Variants in RBM39 observed in about 807,000 individuals in gnomAD.
RBM39 encodes the protein RNA-binding protein 39.
RBM39 carries 12 observed loss-of-function variants against 79.6 expected under a neutral mutation model. The ratio of observed to expected loss-of-function variants is 0.15; its 90% confidence interval spans 0.10 to 0.24. The LOEUF (loss-of-function observed/expected upper bound fraction) is 0.24, where lower values mean the gene tolerates loss of function less well. Ranked by LOEUF, RBM39 falls within the 10% of genes least tolerant of loss-of-function variation. The pLI, the probability that RBM39 is intolerant of heterozygous loss-of-function variation, is 1.00. For synonymous variants in RBM39, 185 were observed against 208.4 expected (o/e 0.89, Z 0.97); for missense variants, 243 against 653.4 (o/e 0.37, Z 6.85).
chr20:35,740,921 CATTTCTCTTACA>C (rs1569088377), intron 1 of RBM39, 34 bp from the exon 2 acceptor site: 3 of 1,473,462 alleles, frequency 2.0e-6, no homozygotes, highest in Non-Finnish European at 2.8e-6. Context: ...CTTGAGTAAA[CATTTCTCTTACA>C]ATGTGAAACA....
intron 4 of RBM39, 154 bp downstream of exon 4, chr20:35,731,787 T>C: frequency 1.3e-6 from 1 of 778,716 alleles, no homozygotes; most frequent in South Asian, 1.7e-5. Context: ...GTATTTTCAC[T>C]TTACTAGTAT....
At chr20:35,707,778 C>A in intron 13 of RBM39, 1 of 273,796 alleles carries the variant, frequency 3.7e-6, no homozygotes, top group Non-Finnish European at 7.7e-6. Context: ...AAAATGTTTT[C>A]GCACAATAAA....
chr20:35,739,158 T>A, intron 2 of RBM39, 141 bp from the exon 3 acceptor site: 1 of 759,858 alleles, frequency 1.3e-6, no homozygotes. Context: ...TGGAAGGCTA[T>A]AAAAAAATTT....
intron 8 of RBM39, among the ~76,000 whole-genome samples, chr20:35,722,863 G>T (rs561598413): frequency 6.6e-6 from 1 of 151,466 alleles, no homozygotes; most frequent in South Asian, 2.1e-4. Context: ...GAACCCAGGA[G>T]ACGGAGCTTG....
At chr20:35,718,984 A>G (rs1252508657) in intron 9 of RBM39, among the ~76,000 whole-genome samples, 1 of 151,992 alleles carries the variant, frequency 6.6e-6, no homozygotes, top group East Asian at 1.9e-4. Flanking sequence ...AAAATAATAA[A>G]ATAAACCTTT....
At chr20:35,731,231 A>T (rs1436974099) in intron 4 of RBM39, 1 of 152,240 alleles carries the variant, frequency 6.6e-6, no homozygotes, top group Non-Finnish European at 1.5e-5. Context: ...CTCATAAAGC[A>T]TTAAAGATTG....
intron 3 of RBM39, among the ~76,000 whole-genome samples, chr20:35,736,326 G>A (rs1231117807): frequency 6.6e-6 from 1 of 151,880 alleles, no homozygotes; most frequent in East Asian, 1.9e-4. Flanking sequence ...GATTGGTGAG[G>A]AACTATAAAT....
intron 10 of RBM39, 46 bp downstream of exon 10, chr20:35,716,694 T>TAA (rs79003465): frequency 1.1e-3 from 1,104 of 971,074 alleles, no homozygotes; most frequent in Non-Finnish European, 1.4e-3. Flanking sequence ...AAATGTAGTT[T>TAA]AAAAAAAAAA....
In RBM39 at chr20:35,731,232, T is replaced by C. The variant is rs1430871189; in HGVS notation, c.296+709A>G. On this transcript the variant is annotated intron_variant, in intron 4 of 16. Transcript: ENST00000253363. ...TAAGAGGAATTAACCTCATAAAGCA[T>C]TAAAGATTGCTAGATGCAATCCTTA... The C allele has an allele frequency of 2.0e-5, 3 of 152,198 alleles. No homozygotes were observed. The East Asian group carries it at 5.8e-4, about 29-fold the overall frequency. The allele number at this position is 152,198 out of a possible 1,614,324, so 9.4% of individuals were successfully genotyped here.
At chr20:35,723,247 A>T (rs897974284) in intron 8 of RBM39, among the ~76,000 whole-genome samples, 17 of 150,972 alleles carry the variant, frequency 1.1e-4, no homozygotes, top group Non-Finnish European at 2.4e-4. Flanking sequence ...AAAAAAAAAG[A>T]AAAGTTGTCC....
intron 3 of RBM39, among the ~76,000 whole-genome samples, chr20:35,737,720 GCGC>G (rs1287308002): frequency 6.6e-6 from 1 of 151,204 alleles, no homozygotes; most frequent in African/African-American, 2.4e-5. Context: ...ATGGTGGCAG[GCGC>G]CTGTAGTCCC....
intron 9 of RBM39, among the ~76,000 whole-genome samples, chr20:35,720,267 A>G (rs1461509057): frequency 6.6e-6 from 1 of 152,196 alleles, no homozygotes; most frequent in East Asian, 1.9e-4. Flanking sequence ...TAGATAGCAC[A>G]AAGTCCTCTA....
At chr20:35,728,763 C>A (rs1363585127) in intron 6 of RBM39, among the ~76,000 whole-genome samples, 1 of 150,384 alleles carries the variant, frequency 6.6e-6, no homozygotes, top group Non-Finnish European at 1.5e-5. Context: ...GGTGACAGAG[C>A]GAGACTCCAT....
At chr20:35,710,392 AAAT>A (rs1378200999) in intron 12 of RBM39, 1 of 152,234 alleles carries the variant, frequency 6.6e-6, no homozygotes, top group Admixed American at 6.5e-5. Context: ...AATAAACTTT[AAAT>A]AATAACAGAA....
intron 4 of RBM39, 141 bp from the exon 5 acceptor site, chr20:35,729,668 T>C: frequency 2.8e-6 from 2 of 718,138 alleles, no homozygotes; most frequent in Non-Finnish European, 4.6e-6. Context: ...AAAATACTTG[T>C]CTCTTAACTT....
Position 35,721,740 on chromosome 20 carries a change from T to G in RBM39, c.825A>C (p.Arg275Ser). Residue 275 changes from arginine (R) to serine (S), a missense_variant and splice_region_variant, in exon 9 of 17, where the codon AGA becomes AGC. Physicochemically the swap from Arg to Ser is moderately radical, Grantham distance 110. Transcript: ENST00000253363. ...GATTCATTGAAGAACCTGGACTTAC[T>G]CTTCCAAAAGGCTCAAAGATCCCAC... is the stretch of plus-strand genomic sequence containing the variant. Reference protein sequence around the residue: ...MLRGIFEPFGRIESIQLMMDS... With the variant: ...MLRGIFEPFGSIESIQLMMDS... The G allele has an allele frequency of 6.2e-7, 1 of 1,613,976 alleles. No individual in the cohort carries two copies. Among genetic ancestry groups the G allele is most frequent in the Admixed American group, 1.7e-5 (1 of 60,004 alleles).
At chr20:35,714,597 T>G (rs2036868667) in intron 10 of RBM39, among the ~76,000 whole-genome samples, 1 of 152,216 alleles carries the variant, frequency 6.6e-6, no homozygotes, top group African/African-American at 2.4e-5. Context: ...GTAGTTTAAA[T>G]AAAAGATATT....
At chr20:35,721,674 C>G (rs973743578) in intron 9 of RBM39, 66 bp downstream of exon 9, 227 of 1,519,328 alleles carry the variant, frequency 1.5e-4, no homozygotes, top group Non-Finnish European at 1.9e-4. Context: ...GCAAGACATA[C>G]AGAAATTATG....
chr20:35,719,835 TATCCAGGCGTG>T lies in RBM39; in HGVS notation c.825+1894_825+1904del, dbSNP rs199517369. ...TCTTTCGGAGACACTCTGGCTCTGT[TATCCAGGCGTG>T]ATCTCGGCTCACTGCAATCTCTGCC... is the stretch of plus-strand genomic sequence containing the variant. On this transcript the variant is annotated intron_variant, in intron 9 of 16. Coordinates refer to ENST00000253363, the MANE Select transcript of RBM39 (RefSeq NM_184234.3). 3.3e-5 allele frequency among the ~76,000 whole-genome samples: 5 copies of T among 152,284 alleles called. No homozygotes were observed. The East Asian group carries it at 9.6e-4, about 29-fold the overall frequency.
Sources: allele counts gnomAD v4.1 joint callset (sites outside exome capture counted in the v4.1 genomes callset), GRCh38; gene constraint gnomAD v4.1.1; transcripts MANE v1.5; gene names NCBI Gene and HGNC (gene_info 2026-07-23, HGNC 2026-07-21).